Variants in OPCML observed in about 807,000 individuals in gnomAD.
OPCML encodes opioid-binding protein/cell adhesion molecule.
OPCML carries 13 observed loss-of-function variants against 37.8 expected under a neutral mutation model. The ratio of observed to expected loss-of-function variants is 0.34; its 90% CI spans 0.22 to 0.55. The LOEUF is 0.55. OPCML is among the 20% of genes least tolerant of loss of function. The probability of loss-of-function intolerance (pLI) is 0.91; values close to 1 mark genes in which losing one functional copy is unlikely to be tolerated. For synonymous variants in OPCML, 176 were observed against 168.8 expected (o/e 1.04, Z -0.33); for missense variants, 341 against 435.6 (o/e 0.78, Z 1.93).
intron 3 of OPCML, among the ~76,000 whole-genome samples, chr11:132,538,374 A>C (rs2096346484): frequency 6.6e-6 from 1 of 152,184 alleles, no homozygotes; most frequent in Non-Finnish European, 1.5e-5. Flanking sequence ...AAAGATAAAA[A>C]ATGCATTGGT....
intron 2 of OPCML, among the ~76,000 whole-genome samples, chr11:132,832,496 C>CA (rs1243358103): frequency 9.2e-5 from 14 of 152,140 alleles, no homozygotes; most frequent in Non-Finnish European, 1.8e-4. Context: ...AAATGATGTG[C>CA]AACTTACATG....
intron 1 of OPCML, among the ~76,000 whole-genome samples, chr11:133,524,825 C>G (rs989017980): frequency 1.3e-5 from 2 of 152,246 alleles, no homozygotes; most frequent in African/African-American, 4.8e-5. Flanking sequence ...GCTTCTTGCC[C>G]TCATTCTGCA....
chr11:133,256,150 G>A (rs193034834), intron 1 of OPCML, among the ~76,000 whole-genome samples: 2 of 152,294 alleles, frequency 1.3e-5, no homozygotes, highest in East Asian at 1.9e-4. Context: ...GAAGGAACTC[G>A]AGCATTGTAA....
At chr11:133,060,266 T>A (rs181407658) in intron 1 of OPCML, among the ~76,000 whole-genome samples, 1 of 149,758 alleles carries the variant, frequency 6.7e-6, no homozygotes, top group East Asian at 2.0e-4. Flanking sequence ...AAGCTTCTAA[T>A]TCAGGAAGAG....
intron 1 of OPCML, among the ~76,000 whole-genome samples, chr11:133,077,274 C>T (rs1387961659): frequency 6.6e-6 from 1 of 151,806 alleles, no homozygotes; most frequent in Non-Finnish European, 1.5e-5. Context: ...GAGATTGCCC[C>T]GTGACTTGGA....
intron 2 of OPCML, among the ~76,000 whole-genome samples, chr11:132,892,466 T>C (rs1307514122): frequency 1.3e-5 from 2 of 152,184 alleles, no homozygotes; most frequent in Non-Finnish European, 2.9e-5. Flanking sequence ...CCTTTCTCGC[T>C]TTCAAAAGTA....
intron 1 of OPCML, among the ~76,000 whole-genome samples, chr11:133,521,232 A>G (rs1325061651): frequency 1.3e-5 from 2 of 152,166 alleles, no homozygotes; most frequent in East Asian, 1.9e-4. Flanking sequence ...TTTTACAGAG[A>G]GAATTACAGG....
chr11:132,522,977 C>A (rs2096297830), intron 4 of OPCML, among the ~76,000 whole-genome samples: 1 of 152,192 alleles, frequency 6.6e-6, no homozygotes. Flanking sequence ...GCTTTTATCA[C>A]CCGGGTTGCA....
At chr11:133,241,863 G>A (rs896891310) in intron 1 of OPCML, among the ~76,000 whole-genome samples, 6 of 152,120 alleles carry the variant, frequency 3.9e-5, no homozygotes, top group African/African-American at 1.4e-4. Flanking sequence ...TATTTTTCAG[G>A]CGGTTCCCTC....
At chr11:133,341,666 C>T (rs1943872289) in intron 1 of OPCML, among the ~76,000 whole-genome samples, 1 of 152,170 alleles carries the variant, frequency 6.6e-6, no homozygotes. Context: ...CGCCTGTAAT[C>T]CCAGCACTTT....
intron 3 of OPCML, among the ~76,000 whole-genome samples, chr11:132,574,631 T>C (rs2096446257): frequency 1.3e-5 from 2 of 152,008 alleles, no homozygotes; most frequent in South Asian, 4.1e-4. Flanking sequence ...ATATATTTAG[T>C]ATAATTTCAA....
intron 2 of OPCML, among the ~76,000 whole-genome samples, chr11:132,745,341 G>A (rs77850642): frequency 0.1 from 15,377 of 152,020 alleles, 937 homozygotes; most frequent in African/African-American, 0.16. Flanking sequence ...GTGTACAAAC[G>A]ATTAAAATAC....
At chr11:132,443,980 C>G (rs2096045623) in intron 4 of OPCML, among the ~76,000 whole-genome samples, 1 of 152,328 alleles carries the variant, frequency 6.6e-6, no homozygotes, top group Non-Finnish European at 1.5e-5. Flanking sequence ...GCCTTTCTCT[C>G]TGAGAATTAG....
chr11:133,409,562 T>G (rs1388333574), intron 1 of OPCML, among the ~76,000 whole-genome samples: 1 of 152,142 alleles, frequency 6.6e-6, no homozygotes, highest in Non-Finnish European at 1.5e-5. Context: ...GCCAGGGGTC[T>G]TATATACATT....
chr11:133,042,499 G>A (rs1345276141), intron 1 of OPCML, among the ~76,000 whole-genome samples: 1 of 152,200 alleles, frequency 6.6e-6, no homozygotes, highest in African/African-American at 2.4e-5. Context: ...GGGAATGTAA[G>A]TGCTGGTGTT....
intron 2 of OPCML, among the ~76,000 whole-genome samples, chr11:132,871,996 G>A (rs978424207): frequency 6.6e-6 from 1 of 152,038 alleles, no homozygotes; most frequent in Admixed American, 6.6e-5. Context: ...CATCTTTCTA[G>A]AACTTCCTGT....
Position 132,670,940 on chromosome 11 carries a change from C to T in OPCML, c.147-13621G>A, listed in dbSNP as rs1037087359. 3.9e-5 allele frequency among the ~76,000 whole-genome samples: 6 copies of T among 152,246 alleles called. No individual in the cohort carries two copies. The East Asian group carries it at 1.2e-3, about 29-fold the overall frequency. On this transcript the variant is annotated intron_variant, in intron 2 of 7. Coordinates refer to ENST00000524381, the MANE Select transcript of OPCML (RefSeq NM_001012393.5). The stretch of plus-strand genomic sequence containing the variant: ...AATTAAGTAGGACATCCATCTCTTC[C>T]AATCACAACCCATAGACTGTGCTGC...
chr11:133,018,989 C>T (rs1296751595), intron 1 of OPCML, among the ~76,000 whole-genome samples: 1 of 152,210 alleles, frequency 6.6e-6, no homozygotes, highest in East Asian at 1.9e-4. Flanking sequence ...TCCCAAATCC[C>T]CTGTGCTCAC....
At chr11:132,655,657 A>G (rs770698708) in intron 3 of OPCML, among the ~76,000 whole-genome samples, 23 of 152,192 alleles carry the variant, frequency 1.5e-4, no homozygotes, top group Admixed American at 3.3e-4. Flanking sequence ...TGGCAGTGCC[A>G]AGGACTGCTG....
Sources: gnomAD v4.1 joint callset for allele counts (sites outside exome capture counted in the v4.1 genomes callset) on GRCh38, gnomAD v4.1.1 for gene constraint, MANE v1.5 for transcripts, NCBI Gene and HGNC (gene_info 2026-07-23, HGNC 2026-07-21) for gene names.